CTC1: variants seen among roughly 807,000 people sequenced by gnomAD.
CTC1 encodes the protein CST complex subunit CTC1.
In CTC1, 91 loss-of-function variants were observed where a neutral mutation model predicts 136.3. That is an observed-to-expected ratio of 0.67 (90% CI 0.56 to 0.79). The LOEUF (loss-of-function observed/expected upper bound fraction) is 0.79. Among genes scored for constraint, CTC1 ranks in the 30% least tolerant of loss-of-function variants. The probability of loss-of-function intolerance (pLI) is 0.00; values close to 1 mark genes in which losing one functional copy is unlikely to be tolerated. For missense variants in CTC1, 1,432 were observed against 1,498.1 expected, an observed-to-expected ratio of 0.96 and a Z score of 0.73; for synonymous variants, 606 against 613.8, an observed-to-expected ratio of 0.99 and a Z score of 0.19.
chr17:8,239,014 C>T (rs751666328), intron 2 of CTC1, among the ~76,000 whole-genome samples: 1 of 150,664 alleles, frequency 6.6e-6, no homozygotes, highest in Non-Finnish European at 1.5e-5. Context: ...ATTGCTTGAA[C>T]CCAGGAGATG....
chr17:8,247,711 G>C, intron 1 of CTC1: 1 of 400,038 alleles, frequency 2.5e-6, no homozygotes, highest in Non-Finnish European at 4.6e-6. Context: ...GTCTTCTCCA[G>C]GAACCCACAG....
chr17:8,231,897 G>A lies in CTC1; in HGVS notation c.2385+6C>T. 6 of 1,613,762 alleles carry A rather than the reference G, an allele frequency of 3.7e-6. No individual in the cohort carries two copies. The highest frequency in any genetic ancestry group is 5.1e-6 in the Non-Finnish European group (6 of 1,179,844). ...CAGGTCCTGGGTCCCTGGAGTCCCA[G>A]TTTACCTTCTGATCATTGTCGTCAT... On this transcript the variant is annotated splice_donor_region_variant and intron_variant, in intron 13 of 22. Transcript: ENST00000651323.
At position 8,238,178 on chromosome 17, in the gene CTC1, G is replaced by A. The variant is rs1390966539; in HGVS notation, c.500C>T (p.Pro167Leu). 4.3e-6 allele frequency: 7 copies of A among 1,613,876 alleles called. No individual in the cohort carries two copies. The highest frequency in any genetic ancestry group is 5.9e-6 in the Non-Finnish European group (7 of 1,179,876). Residue 167 changes from proline to leucine, a missense_variant, in exon 4 of 23, where the codon CCT (proline) becomes CTT (leucine). Pro to Leu is a moderately conservative substitution (Grantham distance 98, BLOSUM62 -3). Transcript: ENST00000651323. ...LFLFPRWSYL[P>L]PARWNSSGEG... ...CCCTGAGGAATTCCACCTGGCAGGA[G>A]GGAGGTAACTCCAACGGGGGAACAG... is the stretch of plus-strand genomic sequence containing the variant.
In CTC1 at chr17:8,225,465, C is replaced by T. The variant is rs1267617280; in HGVS notation, c.*2715G>A. 3.9e-5 allele frequency: 6 copies of T among 152,250 alleles called. No individual in the cohort carries two copies. Among genetic ancestry groups the T allele is most frequent in the Non-Finnish European group, 8.8e-5 (6 of 68,066 alleles). The allele number at this position is 152,250 out of a possible 1,614,324, so 9.4% of individuals were successfully genotyped here. ...GCCTATCTTCCAAGGAGGTTTAGGT[C>T]CTGCCAAGAGCTCACAGATCCTATT... On this transcript the variant is annotated 3_prime_UTR_variant, in exon 23 of 23. Coordinates refer to ENST00000651323, the MANE Select transcript of CTC1 (RefSeq NM_025099.6).
At chr17:8,238,705 C>T (rs1324413764) in intron 2 of CTC1, 76 bp from the exon 3 acceptor site, 1 of 1,050,262 alleles carries the variant, frequency 9.5e-7, no homozygotes, top group African/African-American at 1.6e-5. Flanking sequence ...CCTGATAAAC[C>T]CTCAAGAGCC....
At chr17:8,229,681 AG>A (rs1407035642) in intron 18 of CTC1, among the ~76,000 whole-genome samples, 1 of 152,222 alleles carries the variant, frequency 6.6e-6, no homozygotes, top group East Asian at 1.9e-4. Context: ...AAGACTGAAA[AG>A]CCTTCAAAAG....
chr17:8,236,441 CT>C (rs1987737756), intron 5 of CTC1, 99 bp from the exon 6 acceptor site: 5 of 1,235,654 alleles, frequency 4.0e-6, no homozygotes, highest in African/African-American at 3.0e-5. Context: ...GAGACCTGCC[CT>C]CTGTGAGTCT....
In CTC1 at chr17:8,243,002, T is replaced by C. The variant is rs1424417138; in HGVS notation, c.180A>G (p.Thr60=). ...WLSQGRNQGS[T]LPLSYSFVSV... ...CTCCTTACCTATAGCTGAGGGGCAG[T>C]GTAGAACCTTGGTTCCTTCCCTGGG... Residue 60 remains threonine, a synonymous_variant, in exon 2 of 23, where the codon ACA becomes ACG. Transcript: ENST00000651323. 3 of 1,612,878 alleles carry C rather than the reference T, an allele frequency of 1.9e-6. No homozygotes were observed. The highest frequency in any genetic ancestry group is 2.5e-6 in the Non-Finnish European group (3 of 1,179,510).
chr17:8,243,497 C>T (rs1988445806), intron 1 of CTC1, among the ~76,000 whole-genome samples: 1 of 143,552 alleles, frequency 7.0e-6, no homozygotes, highest in South Asian at 2.2e-4. Flanking sequence ...CCAGCCTGGG[C>T]AACAAGAGGG....
chr17:8,227,957 G>A lies in CTC1; in HGVS notation c.*223C>T, dbSNP rs1421531547. ...GGCCGCCTGTGAATGCAGGTGCCTTGTCCCAATCAGAGGACATATTAATAG... is the reference window on the plus strand; with the variant it reads ...GGCCGCCTGTGAATGCAGGTGCCTTATCCCAATCAGAGGACATATTAATAG... On this transcript the variant is annotated 3_prime_UTR_variant, in exon 23 of 23. Transcript: ENST00000651323. The A allele has an allele frequency of 2.0e-6, 1 of 507,056 alleles. No homozygotes were observed. The highest frequency in any genetic ancestry group is 2.5e-5 in the South Asian group (1 of 39,476). The allele number at this position is 507,056 out of a possible 1,614,324, so 31.4% of individuals were successfully genotyped here.
At chr17:8,237,308 T>C in intron 5 of CTC1, 67 bp downstream of exon 5, 1 of 1,579,584 alleles carries the variant, frequency 6.3e-7, no homozygotes, top group Non-Finnish European at 8.7e-7. Context: ...CCTATGATGC[T>C]ATCTTTCCTA....
At chr17:8,246,229 A>AG (rs1491115775) in intron 1 of CTC1, among the ~76,000 whole-genome samples, 21 of 147,580 alleles carry the variant, frequency 1.4e-4, no homozygotes, top group Non-Finnish European at 3.0e-4. Context: ...AAAAAAAAAA[A>AG]GGAGGGAGGA....
Position 8,242,967 on chromosome 17 carries a change from A to G in CTC1, c.197+18T>C. The G allele has an allele frequency of 1.3e-6, 2 of 1,598,028 alleles. No individual in the cohort carries two copies. Among genetic ancestry groups the G allele is most frequent in the Non-Finnish European group, 1.7e-6 (2 of 1,172,130 alleles). ...TACCTGCCCCTGCCCAGCCCCCGCAACCGCCACCTCTCCTTACCTATAGCT... is the reference window on the plus strand; with the variant it reads ...TACCTGCCCCTGCCCAGCCCCCGCAGCCGCCACCTCTCCTTACCTATAGCT... On this transcript the variant is annotated intron_variant, in intron 2 of 22. Transcript: ENST00000651323.
At chr17:8,231,166 T>C (rs1199021970) in intron 15 of CTC1, 110 bp downstream of exon 15, 9 of 907,318 alleles carry the variant, frequency 9.9e-6, no homozygotes, top group Admixed American at 2.7e-5. Context: ...AAAACAACAA[T>C]AACAAAAGAA....
intron 11 of CTC1, 77 bp downstream of exon 11, chr17:8,232,829 G>A (rs2151512220): frequency 1.3e-6 from 2 of 1,565,886 alleles, no homozygotes; most frequent in Non-Finnish European, 1.7e-6. Context: ...ATCCCAGCAG[G>A]CTTTTCCTCC....
chr17:8,232,422 T>G lies in CTC1; in HGVS notation c.1999A>C (p.Ser667Arg). 1 of 1,614,136 alleles carries G rather than the reference T, an allele frequency of 6.2e-7. No individual in the cohort carries two copies. The highest frequency in any genetic ancestry group is 2.2e-5 in the East Asian group (1 of 44,882). Residue 667 changes from serine (S) to arginine (R), a missense_variant, in exon 12 of 23, where the codon AGC becomes CGC. Physicochemically the swap from Ser to Arg is moderately radical, Grantham distance 110. Transcript: ENST00000651323. ...FQLIVERDVRSSFPSWKELSM... is the reference protein window; with the variant it reads ...FQLIVERDVRRSFPSWKELSM... The stretch of plus-strand genomic sequence containing the variant: ...AGCTCCTTCCAGGAAGGGAAGCTGC[T>G]TCTCACGTCCCTCTCTACGATCAAC...
At chr17:8,242,551 A>ATATATATATATGTAT (rs1491292811) in intron 2 of CTC1, among the ~76,000 whole-genome samples, 1 of 45,294 alleles carries the variant, frequency 2.2e-5, no homozygotes, top group African/African-American at 5.6e-5. Context: ...AAAAAAAAAA[A>ATATATATATATGTAT]AAATATATAT....
intron 10 of CTC1, among the ~76,000 whole-genome samples, chr17:8,233,932 G>A (rs940565999): frequency 3.9e-5 from 6 of 152,150 alleles, no homozygotes; most frequent in African/African-American, 1.4e-4. Context: ...GCAAGATCCT[G>A]TCTCGAAAAA....
Position 8,238,207 on chromosome 17 carries a change from A to C in CTC1, c.471T>G (p.Leu157=). 1.9e-6 allele frequency: 3 copies of C among 1,611,324 alleles called. No individual in the cohort carries two copies. The South Asian group carries it at 3.3e-5, about 18-fold the overall frequency. The change falls in exon 4 of 23, where the codon CTT becomes CTG. Residue 157 remains leucine (L), a synonymous_variant. Transcript: ENST00000651323. The part of the protein sequence containing the change: ...IDLDLSWLGH[L]FLFPRWSYLP... The stretch of plus-strand genomic sequence containing the variant: ...GGTAACTCCAACGGGGGAACAGAAA[A>C]AGATGGCCCAACCAAGAAAGGTCCA...
Sources: allele counts gnomAD v4.1 joint callset (sites outside exome capture counted in the v4.1 genomes callset), GRCh38; gene constraint gnomAD v4.1.1; transcripts MANE v1.5; gene names NCBI Gene and HGNC (gene_info 2026-07-23, HGNC 2026-07-21).